Variants in EFHC2 observed in about 807,000 individuals in gnomAD.
The protein encoded by EFHC2 is EF-hand domain-containing family member C2.
A neutral mutation model predicts 52.7 loss-of-function variants in EFHC2; 18 were observed. That is an observed-to-expected ratio of 0.34 (90% confidence interval 0.24 to 0.51). EFHC2 has a LOEUF of 0.51. EFHC2 is among the 20% of genes least tolerant of loss of function. The pLI, the probability that EFHC2 is intolerant of heterozygous loss-of-function variation, is 0.97. For missense variants in EFHC2, 513 were observed against 562.5 expected (o/e 0.91, Z 0.89); for synonymous variants, 203 against 204.1 (o/e 0.99, Z 0.04).
intron 11 of EFHC2, among the ~76,000 whole-genome samples, chrX:44,183,475 A>G (rs757454770): frequency 5.4e-5 from 6 of 112,120 alleles, no homozygotes; most frequent in Admixed American, 1.9e-4. Context: ...CTGCAGCTAG[A>G]GTATTGCCAG....
In EFHC2 at chrX:44,250,390, T is replaced by C. The variant is rs772535399; in HGVS notation, c.662A>G (p.Gln221Arg). 2.5e-6 allele frequency: 3 copies of C among 1,208,816 alleles called. No individual in the cohort carries two copies. The African/African-American group carries it at 5.3e-5, about 21-fold the overall frequency. Reference sequence around the variant, plus strand: ...AATCTTGCCATGATACTGGAGGAACTGTTTCAGGGTGTCGAGGGATTCGTA... The same window carrying C: ...AATCTTGCCATGATACTGGAGGAACCGTTTCAGGGTGTCGAGGGATTCGTA... ...RPYESLDTLK[Q>R]FLQYHGKILC... Residue 221 changes from glutamine (Q) to arginine (R), a missense_variant, in exon 5 of 15, where the codon CAG (glutamine) becomes CGG (arginine). Transcript: ENST00000420999.
At chrX:44,188,164 A>G (rs1267867509) in intron 11 of EFHC2, among the ~76,000 whole-genome samples, 1 of 99,293 alleles carries the variant, frequency 1.0e-5, no homozygotes, top group African/African-American at 3.7e-5. Flanking sequence ...TTTTTTTGGT[A>G]GAGACGGGGT....
chrX:44,333,500 A>G (rs898483571), intron 1 of EFHC2, among the ~76,000 whole-genome samples: 2 of 111,568 alleles, frequency 1.8e-5, no homozygotes, highest in African/African-American at 6.5e-5. Flanking sequence ...GGAAAAGAAG[A>G]TAGTTTACAA....
chrX:44,260,165 G>A (rs1243871043), intron 4 of EFHC2, among the ~76,000 whole-genome samples: 1 of 111,344 alleles, frequency 9.0e-6, no homozygotes, highest in Non-Finnish European at 1.9e-5. Flanking sequence ...ACTTTCTGGG[G>A]GAAGAGAAAT....
Position 44,298,219 on chromosome X carries a change from G to A in EFHC2, c.231+14349C>T, listed in dbSNP as rs544718824. 1.4e-4 allele frequency among the ~76,000 whole-genome samples: 16 copies of A among 111,398 alleles called. No individual in the cohort carries two copies. The South Asian group carries it at 5.6e-3, about 39-fold the overall frequency. Reference sequence around the variant, plus strand: ...TAAAGTAAAGGGATATCAAACCAGAGGACTAAAAAGGACTGTAAAATGCCC... The same window carrying A: ...TAAAGTAAAGGGATATCAAACCAGAAGACTAAAAAGGACTGTAAAATGCCC... On this transcript the variant is annotated intron_variant, in intron 2 of 14. Transcript: ENST00000420999.
At chrX:44,277,737 T>G (rs1162706743) in intron 2 of EFHC2, among the ~76,000 whole-genome samples, 2 of 110,358 alleles carry the variant, frequency 1.8e-5, no homozygotes, top group Non-Finnish European at 3.8e-5. Flanking sequence ...AACAGAAAAA[T>G]TATACAAGTT....
At chrX:44,319,181 T>G (rs1338735369) in intron 1 of EFHC2, among the ~76,000 whole-genome samples, 1 of 109,086 alleles carries the variant, frequency 9.2e-6, no homozygotes, top group Non-Finnish European at 1.9e-5. Flanking sequence ...TTTTGTATTT[T>G]CAGTAGAAAC....
chrX:44,204,846 G>A (rs2037034988), intron 11 of EFHC2, among the ~76,000 whole-genome samples: 1 of 111,862 alleles, frequency 8.9e-6, no homozygotes, highest in Non-Finnish European at 1.9e-5. Context: ...AATCTCACTA[G>A]AGAGGTCAAC....
At chrX:44,216,910 C>T (rs1337204751) in intron 11 of EFHC2, among the ~76,000 whole-genome samples, 6 of 111,100 alleles carry the variant, frequency 5.4e-5, no homozygotes, top group Non-Finnish European at 1.1e-4. Context: ...ACAAAGGAAA[C>T]AATCAACAAA....
intron 8 of EFHC2, among the ~76,000 whole-genome samples, chrX:44,240,382 C>T (rs1388002057): frequency 8.9e-6 from 1 of 111,998 alleles, no homozygotes; most frequent in Non-Finnish European, 1.9e-5. Flanking sequence ...CATCTACAGT[C>T]AGTGTTCTGT....
In EFHC2 at chrX:44,178,446, C is replaced by A; in HGVS notation, c.1870G>T (p.Ala624Ser). Residue 624 changes from alanine to serine, a missense_variant, in exon 12 of 15, where the codon GCC becomes TCC. Ala to Ser is a moderately conservative substitution (Grantham distance 99, BLOSUM62 1). Transcript: ENST00000420999. ...ATATTTTTCTTGAACTTTTCGTGGG[C>A]CAGTGCGATTAAGAAATCCATATCT... ...CSDMDFLIAL[A>S]HEKFKKNMFE... 8.3e-7 allele frequency: 1 copy of A among 1,206,000 alleles called. No homozygotes were observed. The highest frequency in any genetic ancestry group is 1.1e-6 in the Non-Finnish European group (1 of 892,430).
At chrX:44,294,833 G>C (rs147882810) in intron 2 of EFHC2, among the ~76,000 whole-genome samples, 6,990 of 111,738 alleles carry the variant, frequency 0.063, 524 homozygotes, top group African/African-American at 0.22. Flanking sequence ...TAATATTGTA[G>C]CTCCGTATAT....
intron 11 of EFHC2, among the ~76,000 whole-genome samples, chrX:44,204,306 C>T (rs1452919681): frequency 5.6e-5 from 6 of 107,906 alleles, no homozygotes; most frequent in South Asian, 4.0e-4. Context: ...AGAACTCTGG[C>T]AGTACAGAAA....
intron 11 of EFHC2, among the ~76,000 whole-genome samples, chrX:44,215,571 T>C (rs180889638): frequency 5.2e-4 from 57 of 110,353 alleles, no homozygotes; most frequent in Admixed American, 4.8e-3. Flanking sequence ...GGCAGCGTGA[T>C]AGAATTGTTT....
chrX:44,288,352 G>A (rs779988519), intron 2 of EFHC2, among the ~76,000 whole-genome samples: 26 of 109,702 alleles, frequency 2.4e-4, no homozygotes, highest in Non-Finnish European at 3.8e-4. Flanking sequence ...CAGTTTACCC[G>A]CATGGAAAAA....
chrX:44,304,133 G>A (rs746700269), intron 2 of EFHC2, among the ~76,000 whole-genome samples: 4 of 112,356 alleles, frequency 3.6e-5, no homozygotes, highest in Non-Finnish European at 5.6e-5. Context: ...CCACCATAGC[G>A]TAGCATAAAC....
chrX:44,321,661 G>A lies in EFHC2; in HGVS notation c.43-8905C>T, dbSNP rs766626127. On this transcript the variant is annotated intron_variant, in intron 1 of 14. Coordinates refer to ENST00000420999, the MANE Select transcript of EFHC2 (RefSeq NM_025184.4). ...CTAAAGAAAGCATTTGAAGGAACAC[G>A]TGACTAACTGTGTTAAATGCTACTA... Among the ~76,000 whole-genome samples, 46 of 111,443 alleles carry A rather than the reference G, an allele frequency of 4.1e-4. No homozygotes were observed. The South Asian group carries it at 0.015, about 37-fold the overall frequency.
At chrX:44,306,885 G>A (rs955468575) in intron 2 of EFHC2, among the ~76,000 whole-genome samples, 4 of 112,342 alleles carry the variant, frequency 3.6e-5, no homozygotes, top group Non-Finnish European at 7.5e-5. Flanking sequence ...AATGAACCGC[G>A]CAAGCAAGGA....
At chrX:44,229,312 C>T (rs1249913102) in intron 11 of EFHC2, among the ~76,000 whole-genome samples, 1 of 111,498 alleles carries the variant, frequency 9.0e-6, no homozygotes, top group Non-Finnish European at 1.9e-5. Flanking sequence ...GTAGGGAGGA[C>T]GTGCTCTTAG....
Sources: gnomAD v4.1 joint callset for allele counts (sites outside exome capture counted in the v4.1 genomes callset) on GRCh38, gnomAD v4.1.1 for gene constraint, MANE v1.5 for transcripts, NCBI Gene and HGNC (gene_info 2026-07-23, HGNC 2026-07-21) for gene names.